Variants in BTAF1 observed in about 807,000 individuals in gnomAD.
The protein encoded by BTAF1 is B-TFIID TATA-box binding protein associated factor 1.
In BTAF1, 38 loss-of-function variants were observed where a neutral mutation model predicts 227.1. The observed-to-expected ratio is 0.17, with a 90% CI of 0.13 to 0.22. The LOEUF is 0.22. BTAF1 is among the 10% of genes least tolerant of loss of function. The probability of loss-of-function intolerance (pLI) is 1.00; values close to 1 mark genes in which losing one functional copy is unlikely to be tolerated. For missense variants in BTAF1, 1,598 were observed against 2,204.0 expected (o/e 0.73, Z 5.51); for synonymous variants, 742 against 751.9 (o/e 0.99, Z 0.21).
intron 26 of BTAF1, 111 bp downstream of exon 26, chr10:92,008,386 C>T (rs1002580864): frequency 1.0e-5 from 11 of 1,077,528 alleles, no homozygotes; most frequent in Non-Finnish European, 1.4e-5. Flanking sequence ...CTCTGTTGCC[C>T]AGGCTGGGGT....
chr10:91,944,642 C>T (rs1845239569), intron 4 of BTAF1, among the ~76,000 whole-genome samples: 1 of 152,210 alleles, frequency 6.6e-6, no homozygotes, highest in Non-Finnish European at 1.5e-5. Context: ...GTATGTGTAA[C>T]TATCACCACA....
At chr10:91,992,035 A>G in intron 20 of BTAF1, 84 bp from the exon 21 acceptor site, 5 of 1,191,024 alleles carry the variant, frequency 4.2e-6, no homozygotes, top group Non-Finnish European at 5.7e-6. Flanking sequence ...CATAGTTTAA[A>G]AATGTTTTAT....
At position 92,013,883 on chromosome 10, in the gene BTAF1, C is replaced by G. The variant is rs758135042; in HGVS notation, c.4454-16C>G. ...CTTAACTTTTTTGAAGCCATTTTCT[C>G]TTTAACTATTAACAGGTGTTCTTGC... On this transcript the variant is annotated splice_polypyrimidine_tract_variant and intron_variant, in intron 31 of 37. Coordinates refer to ENST00000265990, the MANE Select transcript of BTAF1 (RefSeq NM_003972.3). 6.2e-7 allele frequency: 1 copy of G among 1,612,982 alleles called. No homozygotes were observed. The highest frequency in any genetic ancestry group is 1.1e-5 in the South Asian group (1 of 90,992).
At chr10:92,020,914 T>C (rs1241132112) in intron 34 of BTAF1, among the ~76,000 whole-genome samples, 1 of 152,212 alleles carries the variant, frequency 6.6e-6, no homozygotes, top group Non-Finnish European at 1.5e-5. Context: ...TGATCTCTTA[T>C]TTTAGAGTGT....
intron 6 of BTAF1, among the ~76,000 whole-genome samples, chr10:91,954,260 G>A (rs1845943885): frequency 2.0e-5 from 3 of 152,252 alleles, no homozygotes; most frequent in African/African-American, 7.2e-5. Context: ...TCAGAGAGGT[G>A]TCTAAGGACC....
At chr10:91,935,635 C>T (rs764124645) in intron 1 of BTAF1, 22 bp from the exon 2 acceptor site, 1 of 1,609,534 alleles carries the variant, frequency 6.2e-7, no homozygotes, top group African/African-American at 1.3e-5. Flanking sequence ...TGAGAATAAC[C>T]ATTGTATTTT....
At chr10:91,957,632 T>C (rs1846193298) in intron 8 of BTAF1, among the ~76,000 whole-genome samples, 1 of 152,190 alleles carries the variant, frequency 6.6e-6, no homozygotes, top group African/African-American at 2.4e-5. Flanking sequence ...AAGCCAGCTT[T>C]TTAGCCTCAG....
chr10:92,003,860 C>G (rs1277891092), intron 25 of BTAF1, among the ~76,000 whole-genome samples: 1 of 152,022 alleles, frequency 6.6e-6, no homozygotes, highest in East Asian at 1.9e-4. Flanking sequence ...ATTTACATTC[C>G]CACCAACAAT....
rs772319993 is a variant in BTAF1 at position 91,992,095 on chromosome 10, GTTGT to G, written c.2855-21_2855-18del. ...GTATCACCAATATTATGATTAAAAG[GTTGT>G]TTAACTTTTTTCTTATTAGGATCCA... On this transcript the variant is annotated intron_variant, in intron 20 of 37. Transcript: ENST00000265990. The G allele has an allele frequency of 2.6e-6, 4 of 1,531,306 alleles. No homozygotes were observed. The highest frequency in any genetic ancestry group is 1.4e-5 in the African/African-American group (1 of 72,182). 94.9% of individuals were successfully genotyped at this position (1,531,306 alleles called of 1,614,324 possible).
rs1851866562 is a variant in BTAF1, at chr10:92,031,066, T to TTAAC, written c.*2136_*2139dup. 1.3e-5 allele frequency among the ~76,000 whole-genome samples: 2 copies of TTAAC among 152,298 alleles called. No individual in the cohort carries two copies. The highest frequency in any genetic ancestry group is 1.9e-4 in the East Asian group (1 of 5,180). ...GAAGTCAAACAAGCATGATAGAATG[T>TTAAC]TAACTATTTTAAACTGGGAATTGGG... is the stretch of plus-strand genomic sequence containing the variant. On this transcript the variant is annotated 3_prime_UTR_variant, in exon 38 of 38. Coordinates refer to ENST00000265990, the MANE Select transcript of BTAF1 (RefSeq NM_003972.3).
Position 91,939,978 on chromosome 10 carries a change from T to C in BTAF1, c.165T>C (p.Asn55=), listed in dbSNP as rs1844882413. 6.2e-7 allele frequency: 1 copy of C among 1,612,678 alleles called. No individual in the cohort carries two copies. The highest frequency in any genetic ancestry group is 8.5e-7 in the Non-Finnish European group (1 of 1,179,020). ...SKVLIYLRSA[N]WDTRIAAGQA... The stretch of plus-strand genomic sequence containing the variant: ...TGTTGATATATTTAAGGAGTGCAAA[T>C]TGGGATACCCGGATTGCAGCAGGAC... Residue 55 remains asparagine, a synonymous_variant, in exon 3 of 38, where the codon AAT becomes AAC. Transcript: ENST00000265990.
rs1487107342 is a variant in BTAF1, at chr10:91,935,755, A to G, written c.113A>G (p.His38Arg). Residue 38 changes from histidine to arginine, a missense_variant, in exon 2 of 38, where the codon CAT (histidine) becomes CGT (arginine). Physicochemically the swap from His to Arg is conservative, Grantham distance 29. Around this residue, in one of 10 missense-constraint regions of BTAF1, gnomAD observed 298 missense variants for 395.2 expected, o/e 0.75. Transcript: ENST00000265990. ...QLGEVVKLHP[H>R]ELNNLLSKVL... The stretch of plus-strand genomic sequence containing the variant: ...GGAGAAGTGGTGAAGCTTCATCCCC[A>G]TGAACTAAATAATCTCCTGTCTAAA... 1 of 1,612,166 alleles carries G rather than the reference A, an allele frequency of 6.2e-7. No individual in the cohort carries two copies. Among genetic ancestry groups the G allele is most frequent in the Non-Finnish European group, 8.5e-7 (1 of 1,178,838 alleles).
chr10:92,027,457 A>G (rs1182863861), intron 37 of BTAF1, among the ~76,000 whole-genome samples, 157 bp downstream of exon 37: 4 of 149,768 alleles, frequency 2.7e-5, no homozygotes, highest in Non-Finnish European at 4.4e-5. Context: ...TCTGCAGCAT[A>G]CTAGGGGATG....
chr10:91,937,094 A>C (rs1016351606), intron 2 of BTAF1, among the ~76,000 whole-genome samples: 1 of 150,594 alleles, frequency 6.6e-6, no homozygotes, highest in Admixed American at 6.7e-5. Context: ...TCCTGGGTTC[A>C]GGCGATTCTC....
intron 33 of BTAF1, among the ~76,000 whole-genome samples, chr10:92,018,482 AG>A (rs1203866131): frequency 6.6e-6 from 1 of 152,262 alleles, no homozygotes; most frequent in East Asian, 1.9e-4. Flanking sequence ...TGAGTGGGAA[AG>A]GGTTTTAAAG....
intron 34 of BTAF1, among the ~76,000 whole-genome samples, chr10:92,021,189 G>A (rs557712842): frequency 2.6e-5 from 4 of 152,336 alleles, no homozygotes; most frequent in African/African-American, 9.6e-5. Flanking sequence ...ATGTTTATCA[G>A]CAAGTAGTGC....
intron 25 of BTAF1, among the ~76,000 whole-genome samples, chr10:91,999,599 G>A (rs901124436): frequency 1.3e-5 from 2 of 152,112 alleles, no homozygotes; most frequent in East Asian, 3.9e-4. Flanking sequence ...TCTCCTTTTT[G>A]ATCAGGCTGG....
chr10:91,965,329 C>G (rs1031048779), intron 13 of BTAF1, among the ~76,000 whole-genome samples: 1 of 152,016 alleles, frequency 6.6e-6, no homozygotes, highest in African/African-American at 2.4e-5. Context: ...TGCAAAGGCC[C>G]AAATAGTGAG....
chr10:91,959,504 G>C (rs1846338288), intron 9 of BTAF1, among the ~76,000 whole-genome samples: 1 of 151,838 alleles, frequency 6.6e-6, no homozygotes, highest in South Asian at 2.1e-4. Flanking sequence ...TTTAAGAATT[G>C]TGATATAGTA....
Sources: allele counts gnomAD v4.1 joint callset (sites outside exome capture counted in the v4.1 genomes callset), GRCh38; gene constraint gnomAD v4.1.1; regional missense constraint gnomAD v4.1.1; transcripts MANE v1.5; gene names NCBI Gene and HGNC (gene_info 2026-07-23, HGNC 2026-07-21).